The following SYT3 variants were observed in gnomAD, a reference collection of about 807,000 sequenced individuals.
SYT3 encodes synaptotagmin 3.
Under a neutral mutation model 50.6 loss-of-function variants are expected in SYT3, and 25 were observed. The observed-to-expected ratio is 0.49, with a 90% CI of 0.36 to 0.69. The LOEUF is 0.69. SYT3 is among the 30% of genes least tolerant of loss of function. The probability of loss-of-function intolerance (pLI) is 0.00; values close to 1 mark genes in which losing one functional copy is unlikely to be tolerated. For missense variants in SYT3, 589 were observed against 793.6 expected (o/e 0.74, Z 3.10); for synonymous variants, 323 against 353.9 (o/e 0.91, Z 0.98).
At chr19:50,653,625 C>T in the SYT3 span, among the ~76,000 whole-genome samples, 1 of 150,946 alleles carries the variant, frequency 6.6e-6, no homozygotes, top group Non-Finnish European at 1.5e-5. Context: ...TATACCAGCA[C>T]ACCACTGACT....
Position 50,626,015 on chromosome 19 carries a change from T to C in SYT3, c.1284A>G (p.Glu428=), listed in dbSNP as rs1347992380. The C allele has an allele frequency of 6.2e-7, 1 of 1,613,482 alleles. No homozygotes were observed. Among genetic ancestry groups the C allele is most frequent in the Admixed American group, 1.7e-5 (1 of 59,936 alleles). ...AGTTGAGCTCCCCAAGATCTGCTTT[T>C]TCCTGCAGTTGGGGAAAAGGTCAGC... is the stretch of plus-strand genomic sequence containing the variant. The part of the protein sequence containing the change: ...LWRDIVEGGS[E]KADLGELNFS... Residue 428 remains glutamate, a splice_region_variant and synonymous_variant, in exon 7 of 11, where the codon GAA becomes GAG. Coordinates refer to ENST00000600079, the MANE Select transcript of SYT3 (RefSeq NM_001160329.2).
chr19:50,649,426 C>A, the SYT3 span: 2 of 1,535,952 alleles, frequency 1.3e-6, no homozygotes, highest in Non-Finnish European at 1.7e-6. Flanking sequence ...CTGAGACATC[C>A]CTCACCCACC....
Position 50,637,286 on chromosome 19 carries a change from G to C in SYT3, c.126C>G (p.Gly42=). Residue 42 remains glycine, a synonymous_variant, in exon 3 of 11, where the codon GGC becomes GGG. Coordinates refer to ENST00000600079, the MANE Select transcript of SYT3 (RefSeq NM_001160329.2). This position sits in a 1 kb window ranked among gnomAD's most constrained non-coding sequence, Gnocchi z 4.9. ...GACCTGCATCTGGACCCCGGGGATA[G>C]CCTCGGATTCGGTCATTGAACTCCT... ...RCQEFNDRIR[G]YPRGPDADIS... is the part of the protein sequence containing the mutation. 6.2e-7 allele frequency: 1 copy of C among 1,613,446 alleles called. No individual in the cohort carries two copies. Among genetic ancestry groups the C allele is most frequent in the Non-Finnish European group, 8.5e-7 (1 of 1,179,870 alleles).
intron 6 of SYT3, 49 bp from the exon 7 acceptor site, chr19:50,626,066 A>G (rs1984047567): frequency 1.3e-6 from 2 of 1,590,790 alleles, no homozygotes; most frequent in South Asian, 1.1e-5. Flanking sequence ...CCCCTCTTCA[A>G]CTCTCCCTGA....
intron 6 of SYT3, among the ~76,000 whole-genome samples, chr19:50,627,613 T>C (rs765090865): frequency 2.4e-4 from 36 of 151,658 alleles, no homozygotes; most frequent in Non-Finnish European, 4.0e-4. Context: ...CCCAGCTACT[T>C]GGGTGACTGA....
rs142043218 is a variant in SYT3 at position 50,635,351 on chromosome 19, CT to C, written c.148+1912del. Among the ~76,000 whole-genome samples the C allele has an allele frequency of 1.2e-3, 178 of 152,296 alleles. 1 individual carries two copies. In the East Asian group the frequency reaches 0.032, roughly 27 times the overall value. On this transcript the variant is annotated intron_variant, in intron 3 of 10. Coordinates refer to ENST00000600079, the MANE Select transcript of SYT3 (RefSeq NM_001160329.2). ...ATTGTGGAGAAAAATTAAACAGATGCTTTCCCCTACCGCCAGCCTGATTCAG... is the reference window on the plus strand; with the variant it reads ...ATTGTGGAGAAAAATTAAACAGATGCTTCCCCTACCGCCAGCCTGATTCAG...
intron 6 of SYT3, 133 bp from the exon 7 acceptor site, chr19:50,626,150 CT>C: frequency 7.1e-7 from 1 of 1,400,350 alleles, no homozygotes; most frequent in Non-Finnish European, 9.5e-7. Flanking sequence ...ACTTAGCAAT[CT>C]GACTCTTGGG....
intron 6 of SYT3, among the ~76,000 whole-genome samples, chr19:50,628,783 A>G (rs1481606145): frequency 6.6e-6 from 1 of 150,872 alleles, no homozygotes; most frequent in African/African-American, 2.4e-5. Context: ...ACATTTGGCG[A>G]TGTTGAGGAG....
At chr19:50,638,348 G>A (rs959155373) in intron 2 of SYT3, among the ~76,000 whole-genome samples, 1 of 152,122 alleles carries the variant, frequency 6.6e-6, no homozygotes, top group Non-Finnish European at 1.5e-5. Flanking sequence ...GGTAGACGCG[G>A]GGAGGGCCAG....
In SYT3 at chr19:50,625,575, C is replaced by A; in HGVS notation, c.1403-11G>T. The A allele has an allele frequency of 1.3e-6, 2 of 1,566,952 alleles. No homozygotes were observed. The highest frequency in any genetic ancestry group is 1.4e-5 in the African/African-American group (1 of 73,038). On this transcript the variant is annotated splice_polypyrimidine_tract_variant and intron_variant, in intron 7 of 10. Coordinates refer to ENST00000600079, the MANE Select transcript of SYT3 (RefSeq NM_001160329.2). The surrounding 1 kb of genome is among the most constrained non-coding windows in gnomAD (Gnocchi z 7.5). ...CCTTCACGTAGGGGTCTGGGAACAGCAATGAAGTAAGGAACAGAGACTCAC... is the reference window on the plus strand; with the variant it reads ...CCTTCACGTAGGGGTCTGGGAACAGAAATGAAGTAAGGAACAGAGACTCAC...
intron 3 of SYT3, among the ~76,000 whole-genome samples, chr19:50,633,663 A>G (rs1015599089): frequency 1.6e-4 from 25 of 152,264 alleles, no homozygotes; most frequent in African/African-American, 5.5e-4. Flanking sequence ...GTTTGAAGGA[A>G]TGCAGAAGGT....
intron 9 of SYT3, among the ~76,000 whole-genome samples, chr19:50,623,937 A>C (rs1232897686): frequency 6.6e-6 from 1 of 152,070 alleles, no homozygotes; most frequent in African/African-American, 2.4e-5. Context: ...ATTTCAAAGG[A>C]AATGTATGTG....
At chr19:50,648,554 G>A in the SYT3 span, among the ~76,000 whole-genome samples, 1 of 147,150 alleles carries the variant, frequency 6.8e-6, no homozygotes, top group African/African-American at 2.6e-5. Context: ...TACACGGCTA[G>A]ACCCCTTCTC....
In SYT3 at chr19:50,625,381, C is replaced by G. The variant is rs376155142; in HGVS notation, c.1574+12G>C. 7 of 1,546,290 alleles carry G rather than the reference C, an allele frequency of 4.5e-6. No individual in the cohort carries two copies. The highest frequency in any genetic ancestry group is 3.9e-5 in the Admixed American group (2 of 50,656). The stretch of plus-strand genomic sequence containing the variant: ...CCTCCTGCCTGACCCCCGCCCGGGC[C>G]GCGCCCCTCACCAGTCGTAGTCTAC... On this transcript the variant is annotated intron_variant, in intron 8 of 10. Coordinates refer to ENST00000600079, the MANE Select transcript of SYT3 (RefSeq NM_001160329.2). This position sits in a 1 kb window ranked among gnomAD's most constrained non-coding sequence, Gnocchi z 7.5.
chr19:50,622,596 C>G (rs1466339664), intron 10 of SYT3, 91 bp downstream of exon 10: 2 of 930,968 alleles, frequency 2.1e-6, no homozygotes, highest in Non-Finnish European at 3.6e-6. Context: ...CCCCTCCTCC[C>G]TCAGACCCAG....
chr19:50,649,686 T>C, the SYT3 span: 1 of 743,260 alleles, frequency 1.3e-6, no homozygotes, highest in Non-Finnish European at 2.3e-6. Flanking sequence ...GACCTCAAAC[T>C]ACATTTCCCA....
rs1450834999 is a variant in SYT3 at position 50,625,707 on chromosome 19, G to C, written c.1403-143C>G. The C allele has an allele frequency of 5.0e-6, 7 of 1,413,316 alleles. No individual in the cohort carries two copies. Among genetic ancestry groups the C allele is most frequent in the Middle Eastern group, 2.4e-4 (1 of 4,144 alleles). The allele number at this position is 1,413,316 out of a possible 1,614,324, so 87.5% of individuals were successfully genotyped here. On this transcript the variant is annotated intron_variant, in intron 7 of 10. Coordinates refer to ENST00000600079, the MANE Select transcript of SYT3 (RefSeq NM_001160329.2). This position sits in a 1 kb window ranked among gnomAD's most constrained non-coding sequence, Gnocchi z 7.5. ...AGTCCCTCCTTCCTCAGGCCCAAGA[G>C]TCCAGACCCCAGGTCCTCCTCTCTC...
At chr19:50,658,050 C>T in the SYT3 span, 1 of 1,536,006 alleles carries the variant, frequency 6.5e-7, no homozygotes, top group Non-Finnish European at 8.7e-7. Context: ...TTACCAGGGG[C>T]CATGGAGAGC....
Position 50,630,001 on chromosome 19 carries a change from C to T in SYT3, c.845G>A (p.Gly282Asp). ...GCCTGGGCCCCCACCGCTCCGCCGG[C>T]CACCAGGGCCAGTCCCCTGGTACAG... ...PELYQGTGPGGRRSGGGPGSG... is the reference protein window; with the variant it reads ...PELYQGTGPGDRRSGGGPGSG... The change falls in exon 5 of 11, where the codon GGC (glycine) becomes GAC (aspartate). Residue 282 changes from glycine to aspartate, a missense_variant. Transcript: ENST00000600079. 6.2e-7 allele frequency: 1 copy of T among 1,613,780 alleles called. No individual in the cohort carries two copies. The highest frequency in any genetic ancestry group is 8.5e-7 in the Non-Finnish European group (1 of 1,179,822).
Sources: allele counts gnomAD v4.1 joint callset (sites outside exome capture counted in the v4.1 genomes callset), GRCh38; gene constraint gnomAD v4.1.1; non-coding constraint Gnocchi (gnomAD v3.1); transcripts MANE v1.5; gene names NCBI Gene and HGNC (gene_info 2026-07-23, HGNC 2026-07-21).